The following POU6F2 variants were observed in gnomAD, a reference collection of about 807,000 sequenced individuals.
POU6F2 encodes POU class 6 homeobox 2.
POU6F2 carries 31 observed loss-of-function variants against 71.3 expected under a neutral mutation model. The ratio of observed to expected loss-of-function variants is 0.43; its 90% CI spans 0.33 to 0.59. The LOEUF (loss-of-function observed/expected upper bound fraction) is 0.59, where lower values mean the gene tolerates loss of function less well. Ranked by LOEUF, POU6F2 falls within the 20% of genes least tolerant of loss-of-function variation. POU6F2 has a pLI of 0.04. For synonymous variants in POU6F2, 347 were observed against 355.7 expected, an observed-to-expected ratio of 0.98 and a Z score of 0.27; for missense variants, 783 against 856.8, an observed-to-expected ratio of 0.91 and a Z score of 1.07.
In POU6F2 at chr7:39,246,905, C is replaced by CTTTTTTTTTT. The variant is rs398004470; in HGVS notation, c.598+39299_598+39308dup. Among the ~76,000 whole-genome samples, 628 of 78,108 alleles carry CTTTTTTTTTT rather than the reference C, an allele frequency of 8.0e-3. 36 individuals carry two copies. The highest frequency in any genetic ancestry group is 0.028 in the East Asian group (64 of 2,322). The allele number at this position is 78,108 out of a possible 152,430, so 51.2% of individuals were successfully genotyped here. ...CCAGCTCACCCCAAATCCAGGGTGG[C>CTTTTTTTTTT]TTTTTTTTTTTTTTTTTTTTTTTGC... On this transcript the variant is annotated intron_variant, in intron 4 of 9. Coordinates refer to ENST00000518318, the MANE Select transcript of POU6F2 (RefSeq NM_001370959.1).
Position 39,024,179 on chromosome 7 carries a change from A to C in POU6F2, c.105+46121A>C, listed in dbSNP as rs547941361. On this transcript the variant is annotated intron_variant, in intron 1 of 9. Coordinates refer to ENST00000518318, the MANE Select transcript of POU6F2 (RefSeq NM_001370959.1). ...ATTTGTTTGTATCCTCTTTTATTTCATTGAGCAGTGGTTTGTAGTTCTCCT... is the reference window on the plus strand; with the variant it reads ...ATTTGTTTGTATCCTCTTTTATTTCCTTGAGCAGTGGTTTGTAGTTCTCCT... Among the ~76,000 whole-genome samples, 472 of 152,010 alleles carry C rather than the reference A, an allele frequency of 3.1e-3. 1 individual carries two copies. Among genetic ancestry groups the C allele is most frequent in the Non-Finnish European group, 3.8e-3 (256 of 67,972 alleles).
At chr7:39,050,966 A>T (rs1790389937) in intron 1 of POU6F2, among the ~76,000 whole-genome samples, 1 of 152,024 alleles carries the variant, frequency 6.6e-6, no homozygotes, top group African/African-American at 2.4e-5. Context: ...TTTGGAGAAA[A>T]TATTTGGTGA....
intron 2 of POU6F2, among the ~76,000 whole-genome samples, chr7:39,161,334 C>T (rs572662571): frequency 1.3e-5 from 2 of 152,296 alleles, no homozygotes; most frequent in African/African-American, 4.8e-5. Context: ...GAAACTGATA[C>T]GCTACTTGAG....
chr7:39,401,752 A>T (rs1039488122), intron 5 of POU6F2, among the ~76,000 whole-genome samples: 7 of 152,348 alleles, frequency 4.6e-5, no homozygotes, highest in Admixed American at 3.3e-4. Context: ...GAATATCCTC[A>T]TTTGAAAACA....
chr7:39,212,656 C>G (rs933328139), intron 4 of POU6F2, among the ~76,000 whole-genome samples: 3 of 152,118 alleles, frequency 2.0e-5, no homozygotes, highest in Non-Finnish European at 4.4e-5. Context: ...CAAGCACACA[C>G]CTGTGAAATA....
chr7:39,331,758 G>T (rs866002047), intron 4 of POU6F2, among the ~76,000 whole-genome samples: 2 of 152,160 alleles, frequency 1.3e-5, no homozygotes, highest in Admixed American at 1.3e-4. Flanking sequence ...TGACCTGGCC[G>T]CCTCGGCCTC....
intron 4 of POU6F2, among the ~76,000 whole-genome samples, chr7:39,237,400 G>T (rs780404666): frequency 2.6e-5 from 4 of 152,120 alleles, no homozygotes; most frequent in Non-Finnish European, 5.9e-5. Flanking sequence ...TCAGAATGGG[G>T]CCCTTGAAAT....
intron 2 of POU6F2, among the ~76,000 whole-genome samples, chr7:39,096,652 T>C (rs1791459942): frequency 6.6e-6 from 1 of 152,202 alleles, no homozygotes; most frequent in Non-Finnish European, 1.5e-5. Flanking sequence ...AAATCTCATA[T>C]TGATTTGTGT....
At chr7:39,286,610 A>C (rs1370089602) in intron 4 of POU6F2, among the ~76,000 whole-genome samples, 1 of 152,124 alleles carries the variant, frequency 6.6e-6, no homozygotes, top group Non-Finnish European at 1.5e-5. Context: ...ATTGTTAGAA[A>C]AGTTCTTTAT....
chr7:39,287,683 T>TA (rs1243716695), intron 4 of POU6F2, among the ~76,000 whole-genome samples: 1 of 152,210 alleles, frequency 6.6e-6, no homozygotes, highest in Non-Finnish European at 1.5e-5. Context: ...TCTGATGATC[T>TA]AAAGTCTTAC....
chr7:39,009,200 G>C (rs2128702471), intron 1 of POU6F2, among the ~76,000 whole-genome samples: 1 of 151,610 alleles, frequency 6.6e-6, no homozygotes, highest in Middle Eastern at 3.4e-3. Context: ...TTATTTCCTT[G>C]AGCAGTGGTT....
intron 5 of POU6F2, among the ~76,000 whole-genome samples, chr7:39,369,760 T>C (rs1176561646): frequency 6.6e-6 from 1 of 152,050 alleles, no homozygotes; most frequent in East Asian, 1.9e-4. Flanking sequence ...CATAGTTCAC[T>C]ACAGCCTCGA....
At chr7:39,143,305 G>A (rs968957353) in intron 2 of POU6F2, among the ~76,000 whole-genome samples, 1 of 152,162 alleles carries the variant, frequency 6.6e-6, no homozygotes, top group Non-Finnish European at 1.5e-5. Context: ...GGCAAGGCAA[G>A]AAACCGAGTT....
At chr7:39,297,405 G>C (rs562259486) in intron 4 of POU6F2, among the ~76,000 whole-genome samples, 10 of 152,116 alleles carry the variant, frequency 6.6e-5, no homozygotes, top group African/African-American at 2.2e-4. Flanking sequence ...AAGTGATGAC[G>C]TGGGCCACGT....
intron 1 of POU6F2, chr7:39,034,530 A>G: frequency 2.4e-6 from 1 of 415,438 alleles, no homozygotes; most frequent in Non-Finnish European, 5.0e-6. Context: ...AATGCACATA[A>G]AGTCGGGGTC....
intron 4 of POU6F2, among the ~76,000 whole-genome samples, chr7:39,325,019 GA>G (rs1226593661): frequency 6.6e-6 from 1 of 152,126 alleles, no homozygotes; most frequent in Non-Finnish European, 1.5e-5. Flanking sequence ...TTCTATTGTA[GA>G]GATGGAAAGA....
At position 39,002,868 on chromosome 7, in the gene POU6F2, T is replaced by C. The variant is rs566568673; in HGVS notation, c.105+24810T>C. Among the ~76,000 whole-genome samples the C allele has an allele frequency of 7.2e-5, 11 of 152,374 alleles. 1 individual carries two copies. In the South Asian group the frequency reaches 1.7e-3, roughly 23 times the overall value. On this transcript the variant is annotated intron_variant, in intron 1 of 9. Coordinates refer to ENST00000518318, the MANE Select transcript of POU6F2 (RefSeq NM_001370959.1). ...CTCCCTCTGCTGCCAAAATGTCCTC[T>C]GCATAGAAATATGAAGGTTTCCTTT...
chr7:39,140,419 A>C (rs1036676693), intron 2 of POU6F2, among the ~76,000 whole-genome samples: 1 of 152,208 alleles, frequency 6.6e-6, no homozygotes, highest in East Asian at 1.9e-4. Flanking sequence ...ACAGAAATTT[A>C]TTCTTTCACA....
chr7:39,386,317 C>G (rs1166241551), intron 5 of POU6F2, among the ~76,000 whole-genome samples: 1 of 152,158 alleles, frequency 6.6e-6, no homozygotes, highest in Non-Finnish European at 1.5e-5. Flanking sequence ...ACACTAAACT[C>G]ACAGAGTCTG....
Sources: gnomAD v4.1 joint callset for allele counts (sites outside exome capture counted in the v4.1 genomes callset) on GRCh38, gnomAD v4.1.1 for gene constraint, MANE v1.5 for transcripts, NCBI Gene and HGNC (gene_info 2026-07-23, HGNC 2026-07-21) for gene names.